Variants in BTRC observed in about 807,000 individuals in gnomAD.
BTRC encodes beta-transducin repeat containing E3 ubiquitin protein ligase, also known as F-box/WD repeat-containing protein 1A.
In BTRC, 42 loss-of-function variants were observed where a neutral mutation model predicts 85.5. The ratio of observed to expected loss-of-function variants is 0.49; its 90% CI spans 0.38 to 0.64. BTRC has a LOEUF of 0.64. Among genes scored for constraint, BTRC ranks in the 30% least tolerant of loss-of-function variants. The pLI, the probability that BTRC is intolerant of heterozygous loss-of-function variation, is 0.00. For missense variants in BTRC, 594 were observed against 743.5 expected, an observed-to-expected ratio of 0.80 and a Z score of 2.34; for synonymous variants, 255 against 263.3, an observed-to-expected ratio of 0.97 and a Z score of 0.30.
intron 1 of BTRC, among the ~76,000 whole-genome samples, chr10:101,412,964 A>G (rs1210231432): frequency 2.0e-5 from 3 of 152,240 alleles, no homozygotes; most frequent in East Asian, 3.8e-4. Flanking sequence ...TAACCCTTTC[A>G]TTGAAATTTG....
Position 101,368,620 on chromosome 10 carries a change from C to T in BTRC, c.48+14392C>T, listed in dbSNP as rs569257882. Among the ~76,000 whole-genome samples, 17 of 152,094 alleles carry T rather than the reference C, an allele frequency of 1.1e-4. No individual in the cohort carries two copies. In the East Asian group the frequency reaches 2.3e-3, roughly 21 times the overall value. On this transcript the variant is annotated intron_variant, in intron 1 of 14. Transcript: ENST00000370187. ...TTAGCCTCCTGAGTAACTAGGACTA[C>T]AGGCATGTGCCACCACAGTCAGCCA...
rs535656002 is a variant in BTRC at position 101,387,528 on chromosome 10, C to CTTT, written c.48+33316_48+33318dup. ...TGTGGCTTTTTATACCTTCATGGGACTTTTTTTTTTTTTTTTTTGAGATAG... is the reference window on the plus strand; with the variant it reads ...TGTGGCTTTTTATACCTTCATGGGACTTTTTTTTTTTTTTTTTTTTTGAGATAG... On this transcript the variant is annotated intron_variant, in intron 1 of 14. Transcript: ENST00000370187. Among the ~76,000 whole-genome samples the CTTT allele has an allele frequency of 9.1e-4, 41 of 45,088 alleles. 11 individuals carry two copies. The highest frequency in any genetic ancestry group is 7.6e-3 in the East Asian group (6 of 786). 29.6% of individuals were successfully genotyped at this position (45,088 alleles called of 152,430 possible).
chr10:101,444,272 C>T (rs577088304), intron 2 of BTRC, among the ~76,000 whole-genome samples: 6 of 152,262 alleles, frequency 3.9e-5, no homozygotes, highest in African/African-American at 1.4e-4. Context: ...TGTTACAATG[C>T]CTCCTACTGG....
intron 4 of BTRC, among the ~76,000 whole-genome samples, chr10:101,483,833 ATTAC>A (rs1009449017): frequency 6.6e-6 from 1 of 152,204 alleles, no homozygotes; most frequent in African/African-American, 2.4e-5. Context: ...CATTGTGCTT[ATTAC>A]TTGTCAACCT....
chr10:101,402,772 T>TA (rs1943523542), intron 1 of BTRC, among the ~76,000 whole-genome samples: 1 of 152,336 alleles, frequency 6.6e-6, no homozygotes, highest in East Asian at 1.9e-4. Flanking sequence ...TGATATGTCA[T>TA]GCCTTCTCAG....
intron 2 of BTRC, among the ~76,000 whole-genome samples, chr10:101,432,054 T>C (rs1432320622): frequency 1.3e-5 from 2 of 152,188 alleles, no homozygotes; most frequent in Non-Finnish European, 2.9e-5. Flanking sequence ...ATGATCGTTA[T>C]AAACATTATT....
intron 13 of BTRC, 41 bp downstream of exon 13, chr10:101,538,412 G>A (rs375965842): frequency 2.5e-5 from 38 of 1,541,616 alleles, no homozygotes; most frequent in African/African-American, 2.0e-4. Context: ...AGAGCAGGTG[G>A]GGGAAGAAAT....
chr10:101,546,497 TAAATAA>T (rs1243543557), intron 13 of BTRC, among the ~76,000 whole-genome samples: 2 of 151,998 alleles, frequency 1.3e-5, no homozygotes, highest in African/African-American at 4.8e-5. Flanking sequence ...TATTTTGAAG[TAAATAA>T]AAATGAAAAC....
At chr10:101,362,669 A>G (rs1010890593) in intron 1 of BTRC, among the ~76,000 whole-genome samples, 43 of 152,150 alleles carry the variant, frequency 2.8e-4, no homozygotes, top group Middle Eastern at 3.2e-3. Flanking sequence ...TGCTGGGATT[A>G]CAGGTGTGAG....
chr10:101,354,326 C>G, intron 1 of BTRC, 98 bp downstream of exon 1: 1 of 1,345,230 alleles, frequency 7.4e-7, no homozygotes, highest in Non-Finnish European at 1.0e-6. Context: ...GGCAGCGGGA[C>G]CCTGGGCCGA....
rs565175455 is a variant in BTRC at position 101,443,319 on chromosome 10, A to G, written c.156+12867A>G. On this transcript the variant is annotated intron_variant, in intron 2 of 14. Coordinates refer to ENST00000370187, the MANE Select transcript of BTRC (RefSeq NM_033637.4). ...TTAGTCACAATTTACTGATTTTTGT[A>G]AAACATGCAAATGTAGTCCTGCGCA... Among the ~76,000 whole-genome samples the G allele has an allele frequency of 4.6e-5, 7 of 152,382 alleles. No individual in the cohort carries two copies. The South Asian group carries it at 1.4e-3, about 32-fold the overall frequency.
intron 2 of BTRC, among the ~76,000 whole-genome samples, chr10:101,456,125 C>T (rs1158291362): frequency 6.6e-6 from 1 of 150,908 alleles, no homozygotes; most frequent in Non-Finnish European, 1.5e-5. Flanking sequence ...GAGCCGAGGT[C>T]GCCACTGTCC....
chr10:101,508,190 A>G (rs941826789), intron 4 of BTRC, among the ~76,000 whole-genome samples: 1 of 152,246 alleles, frequency 6.6e-6, no homozygotes, highest in Non-Finnish European at 1.5e-5. Context: ...GTTAGTAAAT[A>G]GGAAAAAAAG....
chr10:101,482,657 A>AGT (rs1945870649), intron 4 of BTRC, among the ~76,000 whole-genome samples: 1 of 151,954 alleles, frequency 6.6e-6, no homozygotes, highest in Non-Finnish European at 1.5e-5. Context: ...AGCCTCCCAA[A>AGT]GCAATGGGAT....
At chr10:101,384,373 G>A (rs1371976279) in intron 1 of BTRC, among the ~76,000 whole-genome samples, 1 of 152,160 alleles carries the variant, frequency 6.6e-6, no homozygotes, top group Non-Finnish European at 1.5e-5. Context: ...CGAATAAAAA[G>A]TTTAATTTCA....
chr10:101,428,000 C>CT (rs1477233476), intron 1 of BTRC, among the ~76,000 whole-genome samples: 2 of 152,086 alleles, frequency 1.3e-5, no homozygotes, highest in South Asian at 2.1e-4. Flanking sequence ...AGCAAGGAAG[C>CT]TTTTTTTACC....
chr10:101,516,898 C>T lies in BTRC; in HGVS notation c.325-4741C>T, dbSNP rs530706037. 2.0e-5 allele frequency among the ~76,000 whole-genome samples: 3 copies of T among 152,246 alleles called. No individual in the cohort carries two copies. In the East Asian group the frequency reaches 5.8e-4, roughly 29 times the overall value. On this transcript the variant is annotated intron_variant, in intron 4 of 14. Transcript: ENST00000370187. ...ACTCCAGTAGCACCCAACTCATGTC[C>T]ATTTCCACCTTTTAAAAGACAAAGG...
intron 13 of BTRC, among the ~76,000 whole-genome samples, chr10:101,538,940 A>C (rs2062427424): frequency 6.6e-6 from 1 of 152,014 alleles, no homozygotes; most frequent in South Asian, 2.1e-4. Flanking sequence ...AATCCTAGCT[A>C]CTCAGGAGGC....
intron 6 of BTRC, among the ~76,000 whole-genome samples, chr10:101,529,234 T>C (rs2062245376): frequency 6.6e-6 from 1 of 152,230 alleles, no homozygotes; most frequent in Middle Eastern, 3.2e-3. Context: ...CAGTTTTCAG[T>C]ACCTAGCCAC....
Sources: gnomAD v4.1 joint callset for allele counts (sites outside exome capture counted in the v4.1 genomes callset) on GRCh38, gnomAD v4.1.1 for gene constraint, MANE v1.5 for transcripts, NCBI Gene and HGNC (gene_info 2026-07-23, HGNC 2026-07-21) for gene names.